SYNE2: variants seen among roughly 807,000 people sequenced by gnomAD.
The protein encoded by SYNE2 is spectrin repeat containing nuclear envelope protein 2.
Under a neutral mutation model 856.3 loss-of-function variants are expected in SYNE2, and 431 were observed. That is an observed-to-expected ratio of 0.50 (90% CI 0.47 to 0.55). The LOEUF (loss-of-function observed/expected upper bound fraction) is 0.55. Among genes scored for constraint, SYNE2 ranks in the 20% least tolerant of loss-of-function variants. SYNE2 has a pLI of 0.00. For missense variants in SYNE2, 8,129 were observed against 8,023.2 expected (o/e 1.01, Z -0.50); for synonymous variants, 2,923 against 2,872.3 (o/e 1.02, Z -0.56).
At chr14:64,153,757 TA>T (rs1423482160) in intron 85 of SYNE2, among the ~76,000 whole-genome samples, 1 of 151,596 alleles carries the variant, frequency 6.6e-6, no homozygotes, top group African/African-American at 2.4e-5. Flanking sequence ...TACAATATAA[TA>T]AAAATATAAA....
At position 64,125,136 on chromosome 14, in the gene SYNE2, A is replaced by G. The variant is rs2097929819; in HGVS notation, c.13480A>G (p.Thr4494Ala). ...GACTATGTATAACTTTAGATACCCA[A>G]CAACTGAAGAACTGAAAACCTATAC... ...SVTMYNFRYPTTEELKTYTTQ... is the reference protein window; with the variant it reads ...SVTMYNFRYPATEELKTYTTQ... Residue 4494 changes from threonine (T) to alanine (A), a missense_variant, in exon 71 of 116, where the codon ACA (threonine) becomes GCA (alanine). Thr to Ala is a moderately conservative substitution (Grantham distance 58). This residue lies in a region of SYNE2 where 5,410 missense variants were observed against 5,284.8 expected (regional missense o/e 1.02). Coordinates refer to ENST00000555002, the MANE Select transcript of SYNE2 (RefSeq NM_182914.3). 2 of 1,614,254 alleles carry G rather than the reference A, an allele frequency of 1.2e-6. No individual in the cohort carries two copies. Among genetic ancestry groups the G allele is most frequent in the South Asian group, 1.1e-5 (1 of 91,088 alleles).
At chr14:63,875,229 T>G (rs1441742942) in intron 1 of SYNE2, among the ~76,000 whole-genome samples, 1 of 152,162 alleles carries the variant, frequency 6.6e-6, no homozygotes, top group East Asian at 1.9e-4. Context: ...TCTTTGATTT[T>G]TAAGGAATCC....
intron 12 of SYNE2, 29 bp from the exon 13 acceptor site, chr14:63,977,876 C>G: frequency 6.9e-7 from 1 of 1,442,978 alleles, no homozygotes; most frequent in Non-Finnish European, 9.8e-7. Context: ...CAATAAGTAT[C>G]GTTTATGTCA....
At chr14:64,112,721 A>G (rs2097821048) in intron 65 of SYNE2, among the ~76,000 whole-genome samples, 1 of 152,220 alleles carries the variant, frequency 6.6e-6, no homozygotes, top group Non-Finnish European at 1.5e-5. Flanking sequence ...GAGGAATAGG[A>G]AAAAAGTTTC....
At chr14:64,126,097 C>A (rs2097942225) in intron 71 of SYNE2, among the ~76,000 whole-genome samples, 1 of 152,168 alleles carries the variant, frequency 6.6e-6, no homozygotes, top group Admixed American at 6.5e-5. Context: ...TAGTTCCATG[C>A]AGTACTCAAA....
At chr14:63,982,608 G>C in intron 16 of SYNE2, 22 bp from the exon 17 acceptor site, 1 of 1,608,458 alleles carries the variant, frequency 6.2e-7, no homozygotes, top group Non-Finnish European at 8.5e-7. Context: ...TTAAGATAGT[G>C]TGTTGCTTGT....
intron 1 of SYNE2, among the ~76,000 whole-genome samples, chr14:63,787,773 T>C (rs190290432): frequency 9.9e-4 from 150 of 152,282 alleles, no homozygotes; most frequent in Admixed American, 2.6e-3. Context: ...ATGGGCTGGC[T>C]GGAAAAGGCA....
intron 65 of SYNE2, chr14:64,112,975 A>G: frequency 1.0e-6 from 1 of 984,078 alleles, no homozygotes; most frequent in Non-Finnish European, 1.2e-6. Flanking sequence ...GCATTGCTTA[A>G]TCATGTGTCA....
At chr14:63,847,181 A>G (rs1890252022) in intron 1 of SYNE2, among the ~76,000 whole-genome samples, 1 of 151,562 alleles carries the variant, frequency 6.6e-6, no homozygotes, top group African/African-American at 2.4e-5. Context: ...GATGTGGCTC[A>G]CGCCTATAGT....
At chr14:64,112,420 G>A (rs1435838511) in intron 65 of SYNE2, among the ~76,000 whole-genome samples, 1 of 152,132 alleles carries the variant, frequency 6.6e-6, no homozygotes, top group East Asian at 1.9e-4. Flanking sequence ...TAGAAGTATC[G>A]ATACTACTTT....
In SYNE2 at chr14:64,159,307, CTT is replaced by C; in HGVS notation, c.15964-4_15964-3del. The C allele has an allele frequency of 6.2e-7, 1 of 1,613,784 alleles. No homozygotes were observed. The highest frequency in any genetic ancestry group is 8.5e-7 in the Non-Finnish European group (1 of 1,179,780). ...AAACTTAAATTTCTTGTTTGTGTCT[CTT>C]AGTCTCTGCAAGATGAAGCTGAGAG... is the stretch of plus-strand genomic sequence containing the variant. On this transcript the variant is annotated splice_region_variant and splice_polypyrimidine_tract_variant and intron_variant, in intron 86 of 115. Coordinates refer to ENST00000555002, the MANE Select transcript of SYNE2 (RefSeq NM_182914.3).
chr14:63,909,298 AC>A, intron 2 of SYNE2, 71 bp downstream of exon 2: 5 of 1,041,850 alleles, frequency 4.8e-6, no homozygotes, highest in Non-Finnish European at 7.5e-6. Flanking sequence ...GTTGCAAGTC[AC>A]ACTGATTTTC....
At chr14:64,040,447 A>C (rs529947012) in intron 45 of SYNE2, among the ~76,000 whole-genome samples, 2 of 151,892 alleles carry the variant, frequency 1.3e-5, no homozygotes, top group Non-Finnish European at 2.9e-5. Flanking sequence ...ACAACAAAAA[A>C]AGTCATTAAA....
At chr14:64,011,218 G>T (rs905590016) in intron 32 of SYNE2, among the ~76,000 whole-genome samples, 5 of 152,190 alleles carry the variant, frequency 3.3e-5, no homozygotes, top group African/African-American at 1.2e-4. Flanking sequence ...GTCGGAAGCA[G>T]CCCTGTTTAG....
chr14:63,805,971 T>C (rs1888346576), intron 1 of SYNE2, among the ~76,000 whole-genome samples: 1 of 152,190 alleles, frequency 6.6e-6, no homozygotes, highest in Admixed American at 6.5e-5. Context: ...GTACCTTTTA[T>C]TTCTTTCTCT....
chr14:63,956,882 TTGTTCACTCA>T (rs1271089701), intron 8 of SYNE2, among the ~76,000 whole-genome samples: 4 of 152,166 alleles, frequency 2.6e-5, no homozygotes, highest in African/African-American at 9.7e-5. Context: ...ATTCACAAAA[TTGTTCACTCA>T]TCACCACAGT....
At chr14:64,070,542 G>A in intron 51 of SYNE2, 103 bp from the exon 52 acceptor site, 2 of 953,772 alleles carry the variant, frequency 2.1e-6, no homozygotes, top group Non-Finnish European at 3.1e-6. Flanking sequence ...TATGGCACTA[G>A]GAACCCTTTG....
chr14:64,159,476 T>C (rs761707753), intron 87 of SYNE2, 34 bp downstream of exon 87: 99 of 1,609,106 alleles, frequency 6.2e-5, no homozygotes, highest in Non-Finnish European at 8.2e-5. Context: ...ATGATAGATA[T>C]CTTTATCTTA....
intron 61 of SYNE2, 148 bp from the exon 62 acceptor site, chr14:64,097,801 A>G (rs1447782463): frequency 5.1e-6 from 4 of 776,832 alleles, no homozygotes; most frequent in Non-Finnish European, 8.9e-6. Flanking sequence ...GATGGAAAGG[A>G]GCTATACCGT....
Sources: gnomAD v4.1 joint callset for allele counts (sites outside exome capture counted in the v4.1 genomes callset) on GRCh38, gnomAD v4.1.1 for gene constraint, gnomAD v4.1.1 regional missense constraint, MANE v1.5 for transcripts, NCBI Gene and HGNC (gene_info 2026-07-23, HGNC 2026-07-21) for gene names.